TXNDC9: variants seen among roughly 807,000 people sequenced by gnomAD.
TXNDC9 encodes thioredoxin domain containing 9.
A neutral mutation model predicts 23.0 loss-of-function variants in TXNDC9; 7 were observed. The ratio of observed to expected loss-of-function variants is 0.30; its 90% CI spans 0.17 to 0.57. The LOEUF is 0.57. TXNDC9 is among the 20% of genes least tolerant of loss of function. The probability of loss-of-function intolerance (pLI) is 0.90; values close to 1 mark genes in which losing one functional copy is unlikely to be tolerated. For missense variants in TXNDC9, 198 were observed against 252.6 expected, an observed-to-expected ratio of 0.78 and a Z score of 1.47; for synonymous variants, 72 against 90.6, an observed-to-expected ratio of 0.79 and a Z score of 1.17.
chr2:99,320,615 T>C (rs1430950229), intron 4 of TXNDC9, among the ~76,000 whole-genome samples: 1 of 152,196 alleles, frequency 6.6e-6, no homozygotes, highest in Non-Finnish European at 1.5e-5. Flanking sequence ...AGGACAATTA[T>C]TGGGACAATG....
At chr2:99,327,774 T>G (rs2094216055) in intron 2 of TXNDC9, 121 bp from the exon 3 acceptor site, 1 of 652,506 alleles carries the variant, frequency 1.5e-6, no homozygotes, top group Non-Finnish European at 2.5e-6. Context: ...AAAAAAGTTT[T>G]TTTTTTGTTT....
chr2:99,306,767 A>G, the TXNDC9 span: 4 of 455,556 alleles, frequency 8.8e-6, no homozygotes, highest in African/African-American at 8.0e-5. Context: ...CCAGCAACCT[A>G]CGGCCCTAGG....
chr2:99,322,295 A>C, intron 3 of TXNDC9, 86 bp from the exon 4 acceptor site: 3 of 1,501,572 alleles, frequency 2.0e-6, no homozygotes, highest in Non-Finnish European at 2.7e-6. Flanking sequence ...AAATCTAATT[A>C]TGTAGTTTTT....
At chr2:99,314,042 T>A (rs1477394031), downstream of TXNDC9, among the ~76,000 whole-genome samples, 1 of 152,210 alleles carries the variant, frequency 6.6e-6, no homozygotes, top group Non-Finnish European at 1.5e-5. Flanking sequence ...TAAGTTCATA[T>A]CATACTGTGA....
At chr2:99,336,140 T>C in intron 1 of TXNDC9, 99 bp downstream of exon 1, 1 of 958,742 alleles carries the variant, frequency 1.0e-6, no homozygotes, top group Non-Finnish European at 1.2e-6. Flanking sequence ...ACACCGGTGC[T>C]GGGGCCGCGC....
At chr2:99,320,371 G>A (rs1410764812) in intron 4 of TXNDC9, among the ~76,000 whole-genome samples, 3 of 152,056 alleles carry the variant, frequency 2.0e-5, no homozygotes, top group Non-Finnish European at 4.4e-5. Flanking sequence ...AGTTGTCACC[G>A]GAAATGAGAG....
At chr2:99,330,657 G>A (rs567206620) in intron 2 of TXNDC9, among the ~76,000 whole-genome samples, 3 of 152,158 alleles carry the variant, frequency 2.0e-5, no homozygotes, top group Admixed American at 6.6e-5. Flanking sequence ...ACCTAAGTGT[G>A]CCAGCTCTAG....
intron 3 of TXNDC9, among the ~76,000 whole-genome samples, chr2:99,325,308 T>C: frequency 6.6e-6 from 1 of 152,160 alleles, no homozygotes; most frequent in East Asian, 1.9e-4. Flanking sequence ...GCTTAAAACA[T>C]GGGTTCCAAT....
rs142611286 is a variant in TXNDC9, at chr2:99,330,848, A to T, written c.189+2174T>A. 6.2e-3 allele frequency among the ~76,000 whole-genome samples: 944 copies of T among 152,340 alleles called. 7 individuals are homozygous for T. Among genetic ancestry groups the T allele is most frequent in the African/African-American group, 0.021 (864 of 41,564 alleles). ...TATAAAAAGAATATCTATACAAATC[A>T]CTAGGTTTCTTGACTATTTCCAGAA... On this transcript the variant is annotated intron_variant, in intron 2 of 4. Transcript: ENST00000264255.
intron 1 of TXNDC9, 28 bp downstream of exon 1, chr2:99,336,211 G>A: frequency 2.0e-6 from 2 of 985,380 alleles, no homozygotes; most frequent in Non-Finnish European, 2.4e-6. Context: ...CGTGGTGGTC[G>A]GATTCTTCTC....
rs2094230179 is a variant in TXNDC9 at position 99,333,225 on chromosome 2, C to G, written c.-15G>C. On this transcript the variant is annotated 5_prime_UTR_variant, in exon 2 of 5. Coordinates refer to ENST00000264255, the MANE Select transcript of TXNDC9 (RefSeq NM_005783.4). ...TCAGCTTCCATTCTTCCAAATGGTA[C>G]AGAGTTCAGCCTGGGTGCTGGGGAG... 1 of 1,610,284 alleles carries G rather than the reference C, an allele frequency of 6.2e-7. No individual in the cohort carries two copies. The highest frequency in any genetic ancestry group is 8.5e-7 in the Non-Finnish European group (1 of 1,177,718).
At chr2:99,326,996 T>C (rs569452800) in intron 3 of TXNDC9, among the ~76,000 whole-genome samples, 2 of 152,318 alleles carry the variant, frequency 1.3e-5, no homozygotes, top group Admixed American at 6.5e-5. Context: ...TATGGGAATA[T>C]TGACTTTCAG....
chr2:99,316,750 ATTTAT>A (rs2094189954), downstream of TXNDC9, among the ~76,000 whole-genome samples: 2 of 151,538 alleles, frequency 1.3e-5, no homozygotes, highest in South Asian at 2.1e-4. Flanking sequence ...TGGCCCTTTT[ATTTAT>A]TTTATTTTAT....
rs1418710020 is a variant in TXNDC9, at chr2:99,322,826, A to G, written c.309-617T>C. 4.6e-6 allele frequency: 4 copies of G among 872,042 alleles called. No homozygotes were observed. The South Asian group carries it at 1.4e-4, about 31-fold the overall frequency. The allele number at this position is 872,042 out of a possible 1,614,324, so 54.0% of individuals were successfully genotyped here. On this transcript the variant is annotated intron_variant, in intron 3 of 4. Transcript: ENST00000264255. ...CCCCAGGCTGGAGTGCAGTGGCACA[A>G]GCTCGGCTCACTGCAAGCTCCGCCT... is the stretch of plus-strand genomic sequence containing the variant.
the TXNDC9 span, among the ~76,000 whole-genome samples, chr2:99,311,795 A>G: frequency 1.3e-5 from 2 of 152,214 alleles, no homozygotes; most frequent in Admixed American, 1.3e-4. Flanking sequence ...TCAGATCCTT[A>G]TTGTTGCTAT....
Position 99,319,635 on chromosome 2 carries a change from A to T in TXNDC9, c.*47T>A. 7.2e-7 allele frequency: 1 copy of T among 1,381,170 alleles called. No homozygotes were observed. The highest frequency in any genetic ancestry group is 1.0e-6 in the Non-Finnish European group (1 of 991,762). 85.6% of individuals were successfully genotyped at this position (1,381,170 alleles called of 1,614,324 possible). The stretch of plus-strand genomic sequence containing the variant: ...TAATAGAATTTTAAAAACACATTTA[A>T]ATCTGAAGCAGAAAAAAAAAGACAA... On this transcript the variant is annotated 3_prime_UTR_variant, in exon 5 of 5. Transcript: ENST00000264255.
At chr2:99,308,769 T>A in the TXNDC9 span, among the ~76,000 whole-genome samples, 1 of 151,962 alleles carries the variant, frequency 6.6e-6, no homozygotes, top group African/African-American at 2.4e-5. Flanking sequence ...TGGAGTGCAG[T>A]GGTGCAATCT....
the TXNDC9 span, among the ~76,000 whole-genome samples, chr2:99,307,015 CT>C: frequency 1.5e-4 from 11 of 75,354 alleles, no homozygotes; most frequent in South Asian, 1.4e-3. Flanking sequence ...CCCTCCCTCC[CT>C]TCCTTCCTTC....
chr2:99,312,011 G>A, the TXNDC9 span, among the ~76,000 whole-genome samples: 3 of 152,180 alleles, frequency 2.0e-5, no homozygotes, highest in African/African-American at 7.2e-5. Context: ...TAAGTTGTTT[G>A]TTTGGATGAA....
Sources: allele counts gnomAD v4.1 joint callset (sites outside exome capture counted in the v4.1 genomes callset), GRCh38; gene constraint gnomAD v4.1.1; transcripts MANE v1.5; gene names NCBI Gene and HGNC (gene_info 2026-07-23, HGNC 2026-07-21).